SYF2: variants seen among roughly 807,000 people sequenced by gnomAD.
SYF2 encodes SYF2 pre-mRNA splicing factor.
A neutral mutation model predicts 32.7 loss-of-function variants in SYF2; 21 were observed. The observed-to-expected ratio is 0.64, with a 90% confidence interval of 0.45 to 0.92. SYF2 has a LOEUF of 0.92. SYF2 is among the 40% of genes least tolerant of loss of function. SYF2 has a pLI of 0.00. For synonymous variants in SYF2, 114 were observed against 103.9 expected, an observed-to-expected ratio of 1.10 and a Z score of -0.59; for missense variants, 278 against 296.5, an observed-to-expected ratio of 0.94 and a Z score of 0.46.
rs770527409 is a variant in SYF2, at chr1:25,228,232, A to T, written c.262T>A (p.Cys88Ser). ...TCATAGTCTTCTCCTCTTGCCGCAC[A>T]TTCCTAAAAAGAAGAAAAAAGCTGA... ...ELKEEEKKKE[C>S]AARGEDYEKV... The change falls in exon 4 of 7, where the codon TGT becomes AGT. Residue 88 changes from cysteine (C) to serine (S), a missense_variant. Physicochemically the swap from Cys to Ser is moderately radical, Grantham distance 112. Coordinates refer to ENST00000236273, the MANE Select transcript of SYF2 (RefSeq NM_015484.5). 6.2e-7 allele frequency: 1 copy of T among 1,610,418 alleles called. No homozygotes were observed. Among genetic ancestry groups the T allele is most frequent in the African/African-American group, 1.3e-5 (1 of 74,726 alleles).
chr1:25,227,516 C>G lies in SYF2; in HGVS notation c.393G>C (p.Gln131His). 6.2e-7 allele frequency: 1 copy of G among 1,613,664 alleles called. No individual in the cohort carries two copies. Among genetic ancestry groups the G allele is most frequent in the Non-Finnish European group, 8.5e-7 (1 of 1,179,902 alleles). ...DLGFSDYAAA[Q>H]LRQYHRLTKQ... ...TGGTCAACCGATGATACTGGCGTAA[C>G]TGGGCAGCAGCATAATCTAAAAATA... Residue 131 changes from glutamine (Q) to histidine (H), a missense_variant, in exon 5 of 7, where the codon CAG becomes CAC. By Grantham distance (24) the Gln-to-His change is conservative (BLOSUM62 0). Coordinates refer to ENST00000236273, the MANE Select transcript of SYF2 (RefSeq NM_015484.5).
At chr1:25,227,097 A>G (rs1638527069) in intron 5 of SYF2, among the ~76,000 whole-genome samples, 1 of 152,180 alleles carries the variant, frequency 6.6e-6, no homozygotes, top group African/African-American at 2.4e-5. Flanking sequence ...AGCCTGGCCA[A>G]CGTGGTGAAA....
At chr1:25,232,308 G>T in intron 1 of SYF2, 97 bp from the exon 2 acceptor site, 3 of 1,582,582 alleles carry the variant, frequency 1.9e-6, no homozygotes, top group Non-Finnish European at 2.6e-6. Flanking sequence ...CTGGGCCTAG[G>T]GCCTCCACCG....
At chr1:25,229,531 T>G (rs1195666564) in intron 2 of SYF2, among the ~76,000 whole-genome samples, 1 of 152,120 alleles carries the variant, frequency 6.6e-6, no homozygotes, top group Non-Finnish European at 1.5e-5. Context: ...TCCTAGCACT[T>G]TGGGAGGCTG....
rs772246199 is a variant in SYF2 at position 25,232,253 on chromosome 1, T to C, written c.25-42A>G. On this transcript the variant is annotated intron_variant, in intron 1 of 6. Coordinates refer to ENST00000236273, the MANE Select transcript of SYF2 (RefSeq NM_015484.5). ...TGGCTTCAGGCAGAGCCGGCTCAGC[T>C]TCTCCCAGGACTGCCCAGGCCGAGT... The C allele has an allele frequency of 8.2e-6, 13 of 1,590,210 alleles. No individual in the cohort carries two copies. The African/African-American group carries it at 1.6e-4, about 20-fold the overall frequency.
rs1638641226 is a variant in SYF2, at chr1:25,232,092, A to C, written c.132+12T>G. 1 of 1,612,696 alleles carries C rather than the reference A, an allele frequency of 6.2e-7. No individual in the cohort carries two copies. Reference sequence around the variant, plus strand: ...AGATGACGGATCTAAGCCGGCCTCCAAGACTACTCACCCGCATCAGGTGCA... The same window carrying C: ...AGATGACGGATCTAAGCCGGCCTCCCAGACTACTCACCCGCATCAGGTGCA... On this transcript the variant is annotated intron_variant, in intron 2 of 6. Transcript: ENST00000236273.
At chr1:25,227,932 G>A (rs1347393681) in intron 4 of SYF2, among the ~76,000 whole-genome samples, 186 bp downstream of exon 4, 7 of 152,106 alleles carry the variant, frequency 4.6e-5, no homozygotes, top group Non-Finnish European at 8.8e-5. Context: ...TAAAAACCTG[G>A]CTAACTGAAG....
rs1638439237 is a variant in SYF2 at position 25,223,073 on chromosome 1, C to T, written c.*193G>A. 6.4e-6 allele frequency: 3 copies of T among 467,212 alleles called. No homozygotes were observed. The highest frequency in any genetic ancestry group is 1.1e-5 in the Non-Finnish European group (3 of 268,142). 28.9% of individuals were successfully genotyped at this position (467,212 alleles called of 1,614,324 possible). A position where few individuals can be genotyped will look rare whatever the true frequency, so the allele number is the denominator to read the frequency against. ...TCACTACAAGAAATACATCTTATATCCAAGCACAAAAATGTGGAAATATAC... is the reference window on the plus strand; with the variant it reads ...TCACTACAAGAAATACATCTTATATTCAAGCACAAAAATGTGGAAATATAC... On this transcript the variant is annotated 3_prime_UTR_variant, in exon 7 of 7. Coordinates refer to ENST00000236273, the MANE Select transcript of SYF2 (RefSeq NM_015484.5).
chr1:25,223,437 G>C lies in SYF2; in HGVS notation c.567-6C>G. The C allele has an allele frequency of 1.3e-6, 2 of 1,595,236 alleles. No homozygotes were observed. Among genetic ancestry groups the C allele is most frequent in the Non-Finnish European group, 1.7e-6 (2 of 1,173,194 alleles). ...ATTTGTCTCGTTTTTCAATCCTGGG[G>C]AAAGAAGAAAATTTACAAAATTCAA... is the stretch of plus-strand genomic sequence containing the variant. On this transcript the variant is annotated splice_region_variant and splice_polypyrimidine_tract_variant and intron_variant, in intron 6 of 6. Coordinates refer to ENST00000236273, the MANE Select transcript of SYF2 (RefSeq NM_015484.5).
chr1:25,224,917 T>C, intron 6 of SYF2, 85 bp downstream of exon 6: 1 of 996,168 alleles, frequency 1.0e-6, no homozygotes, highest in Non-Finnish European at 1.6e-6. Context: ...GAATTCATTC[T>C]AAGCACGTCA....
chr1:25,228,897 A>G, intron 3 of SYF2, 101 bp downstream of exon 3: 1 of 1,416,010 alleles, frequency 7.1e-7, no homozygotes. Flanking sequence ...CAATTCTGGC[A>G]GCTTGGCCTA....
chr1:25,222,365 T>C lies in SYF2; in HGVS notation c.*901A>G, dbSNP rs900839750. Among the ~76,000 whole-genome samples, 12 of 152,056 alleles carry C rather than the reference T, an allele frequency of 7.9e-5. No individual in the cohort carries two copies. Among genetic ancestry groups the C allele is most frequent in the African/African-American group, 1.4e-4 (6 of 41,402 alleles). ...AAAAATAAATCTATTGCAGTGATAA[T>C]AGTATTGTGGTCATTTAAGTCTTTA... On this transcript the variant is annotated 3_prime_UTR_variant, in exon 7 of 7. Coordinates refer to ENST00000236273, the MANE Select transcript of SYF2 (RefSeq NM_015484.5).
At chr1:25,227,315 A>G in intron 5 of SYF2, 127 bp downstream of exon 5, 1 of 787,692 alleles carries the variant, frequency 1.3e-6, no homozygotes, top group Non-Finnish European at 2.0e-6. Context: ...GAAAAAACAG[A>G]GACCATCCTT....
In SYF2 at chr1:25,232,123, C is replaced by T; in HGVS notation, c.113G>A (p.Arg38Gln). ...QKREQRLRKF[R>Q]ELHLMRNEAR... ...ACTCACCCGCATCAGGTGCAGCTCC[C>T]GGAATTTGCGCAGTCTCTGTTCGCG... The change falls in exon 2 of 7, where the codon CGG (arginine) becomes CAG (glutamine). Residue 38 changes from arginine (R) to glutamine (Q), a missense_variant. Physicochemically the swap from Arg to Gln is conservative, Grantham distance 43. Transcript: ENST00000236273. The T allele has an allele frequency of 6.2e-7, 1 of 1,614,012 alleles. No homozygotes were observed. Among genetic ancestry groups the T allele is most frequent in the South Asian group, 1.1e-5 (1 of 91,048 alleles).
intron 2 of SYF2, 85 bp from the exon 3 acceptor site, chr1:25,229,208 A>C: frequency 6.7e-7 from 1 of 1,492,962 alleles, no homozygotes; most frequent in Non-Finnish European, 9.0e-7. Flanking sequence ...AGGGTCAGGC[A>C]GGACATATTA....
intron 4 of SYF2, 37 bp downstream of exon 4, chr1:25,228,081 A>G (rs1232516023): frequency 2.0e-6 from 3 of 1,501,512 alleles, no homozygotes; most frequent in Admixed American, 1.7e-5. Context: ...AATGACTAAC[A>G]GCCCAGTCAA....
At chr1:25,224,374 GT>G (rs1349179267) in intron 6 of SYF2, among the ~76,000 whole-genome samples, 1 of 152,010 alleles carries the variant, frequency 6.6e-6, no homozygotes, top group Non-Finnish European at 1.5e-5. Context: ...TCCTGACTGA[GT>G]CTCCCAAGTA....
chr1:25,231,851 C>G, intron 2 of SYF2: 2 of 570,230 alleles, frequency 3.5e-6, no homozygotes, highest in South Asian at 4.0e-5. Context: ...ATGGAGACTC[C>G]CAAACCTAAC....
intron 5 of SYF2, among the ~76,000 whole-genome samples, chr1:25,227,218 G>GTGA (rs2095098240): frequency 1.3e-5 from 2 of 152,130 alleles, no homozygotes; most frequent in Non-Finnish European, 2.9e-5. Context: ...AGGTGGCGGA[G>GTGA]GTTGCAGTGA....
Sources: allele counts gnomAD v4.1 joint callset (sites outside exome capture counted in the v4.1 genomes callset), GRCh38; gene constraint gnomAD v4.1.1; transcripts MANE v1.5; gene names NCBI Gene and HGNC (gene_info 2026-07-23, HGNC 2026-07-21).